The following CSMD1 variants were observed in gnomAD, a reference collection of about 807,000 sequenced individuals.
CSMD1 encodes CUB and sushi domain-containing protein 1.
CSMD1 carries 213 observed loss-of-function variants against 417.5 expected under a neutral mutation model. The ratio of observed to expected loss-of-function variants is 0.51; its 90% CI spans 0.46 to 0.57. CSMD1 has a LOEUF of 0.57. CSMD1 is among the 20% of genes least tolerant of loss of function. The probability of loss-of-function intolerance (pLI) is 0.00; values close to 1 mark genes in which losing one functional copy is unlikely to be tolerated. For synonymous variants in CSMD1, 2,862 were observed against 1,736.8 expected, an observed-to-expected ratio of 1.65 and a Z score of -16.11; for missense variants, 6,923 against 4,529.7, an observed-to-expected ratio of 1.53 and a Z score of -15.17.
At chr8:4,325,500 G>C (rs1405046489) in intron 3 of CSMD1, among the ~76,000 whole-genome samples, 1 of 152,142 alleles carries the variant, frequency 6.6e-6, no homozygotes, top group Non-Finnish European at 1.5e-5. Flanking sequence ...AAGTTTGTCT[G>C]CTCATTTTTG....
chr8:4,717,513 TTCAGTTACAA>T (rs1808751224), intron 1 of CSMD1, among the ~76,000 whole-genome samples: 1 of 151,478 alleles, frequency 6.6e-6, no homozygotes, highest in Non-Finnish European at 1.5e-5. Flanking sequence ...TATGACAAGA[TTCAGTTACAA>T]ACCTATCAAT....
chr8:4,400,504 T>TA (rs1222385323), intron 3 of CSMD1, among the ~76,000 whole-genome samples: 1 of 152,196 alleles, frequency 6.6e-6, no homozygotes, highest in Non-Finnish European at 1.5e-5. Flanking sequence ...TCACGAGTTC[T>TA]AAAAAAGTCA....
intron 41 of CSMD1, among the ~76,000 whole-genome samples, chr8:3,141,869 C>A (rs1448684605): frequency 6.6e-6 from 1 of 151,444 alleles, no homozygotes; most frequent in Non-Finnish European, 1.5e-5. Flanking sequence ...GCGATCTCTC[C>A]TCACTGCAAG....
At chr8:2,956,748 G>A (rs1004452656) in intron 63 of CSMD1, among the ~76,000 whole-genome samples, 8 of 152,198 alleles carry the variant, frequency 5.3e-5, no homozygotes, top group Non-Finnish European at 1.0e-4. Context: ...GAGCCAGCAT[G>A]CCCAGCCAAG....
intron 1 of CSMD1, among the ~76,000 whole-genome samples, chr8:4,684,705 C>T (rs1050527559): frequency 1.3e-5 from 2 of 152,094 alleles, no homozygotes; most frequent in African/African-American, 4.8e-5. Flanking sequence ...CTTTCCCTGT[C>T]TCAGGGAATG....
chr8:3,030,553 T>A (rs1810274750), intron 50 of CSMD1, among the ~76,000 whole-genome samples: 1 of 152,028 alleles, frequency 6.6e-6, no homozygotes, highest in Non-Finnish European at 1.5e-5. Flanking sequence ...CACGGCTCAC[T>A]GCAAACTCTA....
At chr8:3,815,437 G>C (rs895057016) in intron 5 of CSMD1, among the ~76,000 whole-genome samples, 2 of 152,082 alleles carry the variant, frequency 1.3e-5, no homozygotes, top group Non-Finnish European at 2.9e-5. Flanking sequence ...ATAATACACT[G>C]ACAGATATTG....
At chr8:4,201,896 G>T (rs1035073492) in intron 3 of CSMD1, among the ~76,000 whole-genome samples, 7 of 124,616 alleles carry the variant, frequency 5.6e-5, no homozygotes, top group African/African-American at 2.0e-4. Context: ...TTGGGGGGGG[G>T]GGGCGCTGCA....
At chr8:4,125,105 C>T (rs1483703109) in intron 3 of CSMD1, among the ~76,000 whole-genome samples, 3 of 117,846 alleles carry the variant, frequency 2.5e-5, no homozygotes, top group African/African-American at 6.5e-5. Flanking sequence ...CCGGTGAGAC[C>T]AGGAACACTT....
At chr8:3,727,280 T>C (rs1051456793) in intron 6 of CSMD1, among the ~76,000 whole-genome samples, 2 of 152,184 alleles carry the variant, frequency 1.3e-5, no homozygotes, top group African/African-American at 4.8e-5. Context: ...TACATACACA[T>C]ACCTTTGAGG....
chr8:4,120,503 AT>A (rs556135200), intron 3 of CSMD1, among the ~76,000 whole-genome samples: 64 of 152,290 alleles, frequency 4.2e-4, no homozygotes, highest in Non-Finnish European at 8.7e-4. Context: ...CAGGAGATCA[AT>A]TATTTCCAAA....
intron 28 of CSMD1, among the ~76,000 whole-genome samples, chr8:3,221,487 A>G (rs1798210320): frequency 2.6e-5 from 4 of 152,100 alleles, no homozygotes; most frequent in Admixed American, 2.6e-4. Context: ...AATTATCATT[A>G]TTGGTAATTT....
At chr8:4,433,805 T>C (rs1450718815) in intron 2 of CSMD1, among the ~76,000 whole-genome samples, 1 of 151,892 alleles carries the variant, frequency 6.6e-6, no homozygotes, top group Non-Finnish European at 1.5e-5. Flanking sequence ...CTCTGTCCTT[T>C]GCAAGATACT....
intron 4 of CSMD1, among the ~76,000 whole-genome samples, chr8:4,025,277 T>C (rs899514563): frequency 5.9e-5 from 9 of 152,194 alleles, no homozygotes; most frequent in African/African-American, 1.9e-4. Flanking sequence ...CCTTCTTGTA[T>C]GCCCCTATCC....
intron 25 of CSMD1, among the ~76,000 whole-genome samples, chr8:3,303,258 TTTCTC>T (rs142021333): frequency 0.083 from 12,567 of 152,116 alleles, 649 homozygotes; most frequent in Non-Finnish European, 0.12. Context: ...AATGTATAGT[TTTCTC>T]TTAAGTGTAT....
At chr8:4,342,231 GTC>G (rs1356041741) in intron 3 of CSMD1, among the ~76,000 whole-genome samples, 183 of 130,406 alleles carry the variant, frequency 1.4e-3, no homozygotes, top group Middle Eastern at 3.7e-3. Flanking sequence ...GTGTGTGTGT[GTC>G]TGTGTGTGTG....
chr8:3,862,414 T>G (rs185384996), intron 5 of CSMD1, among the ~76,000 whole-genome samples: 5,576 of 152,292 alleles, frequency 0.037, 106 homozygotes, highest in Middle Eastern at 0.068. Context: ...TTCTCTCACT[T>G]GTCTTTCATT....
At chr8:3,586,559 G>A (rs1006759720) in intron 8 of CSMD1, among the ~76,000 whole-genome samples, 2 of 152,138 alleles carry the variant, frequency 1.3e-5, no homozygotes, top group Non-Finnish European at 2.9e-5. Context: ...TCACTGAATA[G>A]TGTGGCTTTA....
chr8:3,704,122 G>C (rs1352058445), intron 7 of CSMD1, among the ~76,000 whole-genome samples: 2 of 152,104 alleles, frequency 1.3e-5, no homozygotes, highest in Non-Finnish European at 2.9e-5. Context: ...AATTAGAGCA[G>C]TCCTCCATCA....
Sources: gnomAD v4.1 joint callset for allele counts (sites outside exome capture counted in the v4.1 genomes callset) on GRCh38, gnomAD v4.1.1 for gene constraint, MANE v1.5 for transcripts, NCBI Gene and HGNC (gene_info 2026-07-23, HGNC 2026-07-21) for gene names.